Variants in SEZ6L observed in about 807,000 individuals in gnomAD.
The protein encoded by SEZ6L is seizure related 6 homolog like.
SEZ6L carries 37 observed loss-of-function variants against 106.2 expected under a neutral mutation model. The ratio of observed to expected loss-of-function variants is 0.35; its 90% CI spans 0.27 to 0.46. The LOEUF is 0.46. Among genes scored for constraint, SEZ6L ranks in the 20% least tolerant of loss-of-function variants. The probability of loss-of-function intolerance (pLI) is 1.00; values close to 1 mark genes in which losing one functional copy is unlikely to be tolerated. For missense variants in SEZ6L, 1,172 were observed against 1,332.8 expected (o/e 0.88, Z 1.88); for synonymous variants, 541 against 570.4 (o/e 0.95, Z 0.73).
chr22:26,346,025 G>GT (rs5844689), intron 10 of SEZ6L, among the ~76,000 whole-genome samples: 33,424 of 149,678 alleles, frequency 0.22, 3,830 homozygotes, highest in South Asian at 0.37. Flanking sequence ...TGTTCAAATT[G>GT]TTTTTTTTTT....
intron 1 of SEZ6L, among the ~76,000 whole-genome samples, chr22:26,250,276 A>G (rs1195670546): frequency 6.6e-6 from 1 of 151,818 alleles, no homozygotes; most frequent in Non-Finnish European, 1.5e-5. Flanking sequence ...CTATGTTTTC[A>G]TCTAGTAGAT....
chr22:26,299,708 TG>T (rs1460327001), intron 5 of SEZ6L, among the ~76,000 whole-genome samples: 4 of 152,266 alleles, frequency 2.6e-5, no homozygotes, highest in African/African-American at 7.2e-5. Flanking sequence ...TCCCACATTT[TG>T]TTGACCTGTT....
At chr22:26,180,615 G>A (rs1344245986) in intron 1 of SEZ6L, among the ~76,000 whole-genome samples, 2 of 152,186 alleles carry the variant, frequency 1.3e-5, no homozygotes, top group Non-Finnish European at 2.9e-5. Flanking sequence ...AGGAGTTGTG[G>A]GTGATAGAGA....
At chr22:26,268,287 C>G (rs2080252844) in intron 1 of SEZ6L, among the ~76,000 whole-genome samples, 1 of 152,168 alleles carries the variant, frequency 6.6e-6, no homozygotes, top group Non-Finnish European at 1.5e-5. Context: ...CCGGTATGAA[C>G]AGAAAAGTAG....
chr22:26,380,315 G>C lies in SEZ6L; in HGVS notation c.*20G>C, dbSNP rs764921132. 6.2e-7 allele frequency: 1 copy of C among 1,609,386 alleles called. No homozygotes were observed. The highest frequency in any genetic ancestry group is 2.2e-5 in the East Asian group (1 of 44,840). ...ATCTAAAGAGAGCTACACTTGAGAAGGGGACTTGTGAACTCAACCACAATC... is the reference window on the plus strand; with the variant it reads ...ATCTAAAGAGAGCTACACTTGAGAACGGGACTTGTGAACTCAACCACAATC... On this transcript the variant is annotated 3_prime_UTR_variant, in exon 17 of 17. Transcript: ENST00000248933.
chr22:26,377,494 T>C (rs541932460), intron 15 of SEZ6L, among the ~76,000 whole-genome samples, 179 bp from the exon 16 acceptor site: 46 of 152,274 alleles, frequency 3.0e-4, no homozygotes, highest in African/African-American at 9.9e-4. Flanking sequence ...TGAGAGCAAT[T>C]ATGATTTCTG....
intron 2 of SEZ6L, among the ~76,000 whole-genome samples, chr22:26,293,451 C>G (rs951794244): frequency 1.3e-5 from 2 of 152,240 alleles, no homozygotes; most frequent in Non-Finnish European, 2.9e-5. Flanking sequence ...TTGCCTCAGC[C>G]TCTTGAGTAG....
At chr22:26,351,448 A>C (rs927661098) in intron 12 of SEZ6L, 3 of 494,296 alleles carry the variant, frequency 6.1e-6, no homozygotes, top group Non-Finnish European at 1.1e-5. Context: ...GCGTTGCTCT[A>C]AGTCTTCTAC....
intron 1 of SEZ6L, among the ~76,000 whole-genome samples, chr22:26,221,740 GCACACACACACACACACA>G (rs3222745): frequency 6.7e-6 from 1 of 149,300 alleles, no homozygotes; most frequent in African/African-American, 2.5e-5. Context: ...GCACACGCGT[GCACACACACACACACACA>G]CACACACACA....
chr22:26,287,364 T>C (rs1278232434), intron 1 of SEZ6L, among the ~76,000 whole-genome samples: 1 of 152,164 alleles, frequency 6.6e-6, no homozygotes, highest in East Asian at 1.9e-4. Flanking sequence ...TTGTGTCGGG[T>C]GTCAACCATA....
At chr22:26,236,361 T>C (rs937631350) in intron 1 of SEZ6L, among the ~76,000 whole-genome samples, 1 of 152,170 alleles carries the variant, frequency 6.6e-6, no homozygotes, top group Non-Finnish European at 1.5e-5. Flanking sequence ...CATGCCTGAA[T>C]GATGTATGAC....
chr22:26,175,889 G>C (rs1458131835), intron 1 of SEZ6L, among the ~76,000 whole-genome samples: 3 of 152,198 alleles, frequency 2.0e-5, no homozygotes, highest in Non-Finnish European at 4.4e-5. Context: ...TACAGGGCTG[G>C]GATGGGACAA....
intron 9 of SEZ6L, among the ~76,000 whole-genome samples, chr22:26,321,522 A>T (rs1300846814): frequency 6.6e-6 from 1 of 152,206 alleles, no homozygotes; most frequent in Non-Finnish European, 1.5e-5. Flanking sequence ...GCTCACGCCG[A>T]CAAGCTTGGC....
intron 1 of SEZ6L, among the ~76,000 whole-genome samples, chr22:26,220,361 A>G (rs1218627534): frequency 1.3e-5 from 2 of 152,198 alleles, no homozygotes; most frequent in Non-Finnish European, 2.9e-5. Flanking sequence ...CAGTAATAAC[A>G]GCGAATCTGC....
At chr22:26,197,153 G>GT (rs57349957) in intron 1 of SEZ6L, among the ~76,000 whole-genome samples, 20,518 of 148,666 alleles carry the variant, frequency 0.14, 1,605 homozygotes, top group African/African-American at 0.21. Flanking sequence ...AGAATTATTT[G>GT]TTTTTTTTTT....
At chr22:26,326,604 C>T (rs1432272034) in intron 9 of SEZ6L, among the ~76,000 whole-genome samples, 1 of 152,182 alleles carries the variant, frequency 6.6e-6, no homozygotes, top group Non-Finnish European at 1.5e-5. Context: ...GGTGAAATGG[C>T]TTGCCACTTA....
In SEZ6L at chr22:26,350,816, CA is replaced by C. The variant is rs573110637; in HGVS notation, c.2408-235del. The stretch of plus-strand genomic sequence containing the variant: ...GGAGTACAGGCGCCCACCACCAGGC[CA>C]GGCTAATTTTTTGTGTTTTTAGTAG... On this transcript the variant is annotated intron_variant, in intron 11 of 16. Coordinates refer to ENST00000248933, the MANE Select transcript of SEZ6L (RefSeq NM_021115.5). 5.8e-3 allele frequency among the ~76,000 whole-genome samples: 883 copies of C among 152,208 alleles called. 6 individuals carry two copies. Among genetic ancestry groups the C allele is most frequent in the Non-Finnish European group, 8.6e-3 (584 of 68,002 alleles).
At chr22:26,318,991 G>A (rs968485717) in intron 9 of SEZ6L, among the ~76,000 whole-genome samples, 5 of 152,098 alleles carry the variant, frequency 3.3e-5, no homozygotes, top group African/African-American at 9.6e-5. Flanking sequence ...CAATTTCCAC[G>A]GTGTAAATAC....
At chr22:26,194,652 T>C (rs973085088) in intron 1 of SEZ6L, among the ~76,000 whole-genome samples, 1 of 152,182 alleles carries the variant, frequency 6.6e-6, no homozygotes. Context: ...TTCCTGGTAG[T>C]GTAGGAAATA....
Sources: gnomAD v4.1 joint callset for allele counts (sites outside exome capture counted in the v4.1 genomes callset) on GRCh38, gnomAD v4.1.1 for gene constraint, MANE v1.5 for transcripts, NCBI Gene and HGNC (gene_info 2026-07-23, HGNC 2026-07-21) for gene names.